The following FUT8 variants were observed in gnomAD, a reference collection of about 807,000 sequenced individuals.
FUT8 encodes the protein fucosyltransferase 8, also known as alpha-(1,6)-fucosyltransferase.
A neutral mutation model predicts 71.3 loss-of-function variants in FUT8; 29 were observed. That is an observed-to-expected ratio of 0.41 (90% CI 0.30 to 0.55). FUT8 has a LOEUF of 0.55. FUT8 is among the 20% of genes least tolerant of loss of function. The probability of loss-of-function intolerance (pLI) is 0.34; values close to 1 mark genes in which losing one functional copy is unlikely to be tolerated. For synonymous variants in FUT8, 254 were observed against 239.3 expected (o/e 1.06, Z -0.57); for missense variants, 544 against 702.1 (o/e 0.77, Z 2.55).
intron 3 of FUT8, among the ~76,000 whole-genome samples, chr14:65,571,099 T>C (rs867362228): frequency 6.6e-6 from 1 of 152,166 alleles, no homozygotes; most frequent in African/African-American, 2.4e-5. Flanking sequence ...TTCTGGGTGC[T>C]GCTGGATTCG....
chr14:65,397,190 A>G, the FUT8 span, among the ~76,000 whole-genome samples: 1 of 152,256 alleles, frequency 6.6e-6, no homozygotes, highest in Non-Finnish European at 1.5e-5. This position sits in a 1 kb window ranked among gnomAD's most constrained non-coding sequence, Gnocchi z 4.2. Context: ...ACTTAAGACC[A>G]GGCTTGGAAG....
At chr14:65,741,767 CA>C (rs1861961168) in intron 10 of FUT8, among the ~76,000 whole-genome samples, 1 of 151,938 alleles carries the variant, frequency 6.6e-6, no homozygotes, top group Non-Finnish European at 1.5e-5. Flanking sequence ...TAGCTTGGAC[CA>C]CTGTGTATGT....
At chr14:65,360,391 GAAGACAAACATTCC>G in the FUT8 span, among the ~76,000 whole-genome samples, 1 of 152,220 alleles carries the variant, frequency 6.6e-6, no homozygotes, top group South Asian at 2.1e-4. Flanking sequence ...TATGGAGTAA[GAAGACAAACATTCC>G]AAGCTTTTAA....
intron 1 of FUT8, among the ~76,000 whole-genome samples, chr14:65,438,156 A>G (rs981010795): frequency 1.3e-5 from 2 of 152,224 alleles, no homozygotes; most frequent in African/African-American, 2.4e-5. Context: ...TATATCAAGA[A>G]TATTTCAGTC....
the FUT8 span, among the ~76,000 whole-genome samples, chr14:65,374,417 A>G: frequency 1.3e-5 from 2 of 152,118 alleles, no homozygotes; most frequent in African/African-American, 2.4e-5. Flanking sequence ...TCTTTCCTCT[A>G]TACCTCCACT....
At chr14:65,364,264 G>A in the FUT8 span, among the ~76,000 whole-genome samples, 3 of 152,114 alleles carry the variant, frequency 2.0e-5, no homozygotes, top group Admixed American at 2.0e-4. Context: ...GAGTGCAGTG[G>A]TGAGATCTCG....
At chr14:65,587,431 A>G (rs1449162973) in intron 3 of FUT8, among the ~76,000 whole-genome samples, 5 of 152,204 alleles carry the variant, frequency 3.3e-5, no homozygotes, top group Admixed American at 3.3e-4. Flanking sequence ...ACTGCGTTAC[A>G]CAAGTGATAA....
chr14:65,601,796 T>C (rs974509040), intron 3 of FUT8, among the ~76,000 whole-genome samples: 11 of 152,300 alleles, frequency 7.2e-5, no homozygotes, highest in Admixed American at 1.3e-4. Context: ...CTAATTTTAT[T>C]AACGCGTTTC....
chr14:65,729,071 G>C (rs1895830448), intron 9 of FUT8, among the ~76,000 whole-genome samples: 1 of 133,570 alleles, frequency 7.5e-6, no homozygotes, highest in Admixed American at 8.3e-5. Flanking sequence ...TGTCACCCAG[G>C]CTGGAATGCG....
intron 9 of FUT8, among the ~76,000 whole-genome samples, chr14:65,731,800 T>C (rs1310657965): frequency 6.6e-6 from 1 of 152,168 alleles, no homozygotes; most frequent in African/African-American, 2.4e-5. Context: ...CAGCCTTAGG[T>C]ACCCTTTTGA....
intron 3 of FUT8, among the ~76,000 whole-genome samples, chr14:65,571,489 C>T (rs1886475595): frequency 6.6e-6 from 1 of 152,112 alleles, no homozygotes; most frequent in Admixed American, 6.6e-5. Flanking sequence ...TCAACATACT[C>T]TTACATACAG....
In FUT8 at chr14:65,607,683, G is replaced by A. The variant is rs1413237435; in HGVS notation, c.204-8295G>A. On this transcript the variant is annotated intron_variant, in intron 3 of 10. Transcript: ENST00000673929. This position sits in a 1 kb window ranked among gnomAD's most constrained non-coding sequence, Gnocchi z 4.1. ...CTATATCAATCTTATACTAATCTCA[G>A]GAATGGAATTTTAGAATTTCCTCTC... Among the ~76,000 whole-genome samples the A allele has an allele frequency of 1.3e-5, 2 of 151,656 alleles. No individual in the cohort carries two copies. Among genetic ancestry groups the A allele is most frequent in the Non-Finnish European group, 2.9e-5 (2 of 67,864 alleles).
intron 1 of FUT8, among the ~76,000 whole-genome samples, chr14:65,435,761 C>T (rs144134839): frequency 6.7e-6 from 1 of 150,020 alleles, no homozygotes; most frequent in East Asian, 2.0e-4. Context: ...TACATCCTTA[C>T]TAGCACTTGG....
At chr14:65,619,210 T>G (rs1566856767) in intron 5 of FUT8, among the ~76,000 whole-genome samples, 2 of 152,138 alleles carry the variant, frequency 1.3e-5, no homozygotes, top group African/African-American at 4.8e-5. Flanking sequence ...AAGTTGCTGG[T>G]TTTTGAGAAC....
intron 5 of FUT8, among the ~76,000 whole-genome samples, chr14:65,619,587 G>A (rs1301556329): frequency 6.6e-6 from 1 of 152,134 alleles, no homozygotes. Flanking sequence ...TGCAACCACA[G>A]TTGGGTAATC....
At chr14:65,481,326 A>C (rs1393195448) in intron 2 of FUT8, among the ~76,000 whole-genome samples, 4 of 152,070 alleles carry the variant, frequency 2.6e-5, no homozygotes, top group African/African-American at 7.2e-5. Context: ...TTTTAGGGAT[A>C]CTTTTTAAAG....
At position 65,561,572 on chromosome 14, in the gene FUT8, A is replaced by C; in HGVS notation, c.9A>C (p.Pro3=). 6.2e-7 allele frequency: 1 copy of C among 1,613,346 alleles called. No individual in the cohort carries two copies. Among genetic ancestry groups the C allele is most frequent in the South Asian group, 1.1e-5 (1 of 91,062 alleles). The change falls in exon 3 of 11, where the codon CCA becomes CCC. Residue 3 remains proline (P), a synonymous_variant. Coordinates refer to ENST00000673929, the MANE Select transcript of FUT8 (RefSeq NM_001371533.1). MR[P]WTGSWRWIML... ...GAGTTGAAAATCTGAAAATGCGGCC[A>C]TGGACTGGTTCCTGGCGTTGGATTA...
chr14:65,520,199 T>G (rs1882985919), intron 2 of FUT8, among the ~76,000 whole-genome samples: 1 of 151,464 alleles, frequency 6.6e-6, no homozygotes, highest in Non-Finnish European at 1.5e-5. Flanking sequence ...TAATTTTGTT[T>G]TGGAGGTACT....
chr14:65,712,268 A>C (rs538838058), intron 7 of FUT8, among the ~76,000 whole-genome samples: 61 of 152,316 alleles, frequency 4.0e-4, no homozygotes, highest in African/African-American at 1.4e-3. Flanking sequence ...TTATCATTGG[A>C]TTATAAAGGT....
Sources: gnomAD v4.1 joint callset for allele counts (sites outside exome capture counted in the v4.1 genomes callset) on GRCh38, gnomAD v4.1.1 for gene constraint, Gnocchi (gnomAD v3.1) non-coding constraint, MANE v1.5 for transcripts, NCBI Gene and HGNC (gene_info 2026-07-23, HGNC 2026-07-21) for gene names.